The following PTPRD variants were observed in gnomAD, a reference collection of about 807,000 sequenced individuals.
The protein encoded by PTPRD is receptor-type tyrosine-protein phosphatase delta.
Under a neutral mutation model 214.5 loss-of-function variants are expected in PTPRD, and 34 were observed. The observed-to-expected ratio is 0.16, with a 90% confidence interval of 0.12 to 0.21. PTPRD has a LOEUF of 0.21. Ranked by LOEUF, PTPRD falls within the 10% of genes least tolerant of loss-of-function variation. PTPRD has a pLI of 1.00. For missense variants in PTPRD, 2,545 were observed against 2,398.7 expected, an observed-to-expected ratio of 1.06 and a Z score of -1.27; for synonymous variants, 1,128 against 845.7, an observed-to-expected ratio of 1.33 and a Z score of -5.79.
intron 11 of PTPRD, among the ~76,000 whole-genome samples, chr9:8,814,298 C>T (rs1247308543): frequency 6.6e-6 from 1 of 152,112 alleles, no homozygotes; most frequent in Admixed American, 6.5e-5. Flanking sequence ...CTATGAAGTG[C>T]CCTCATTCAC....
intron 8 of PTPRD, among the ~76,000 whole-genome samples, chr9:9,535,125 T>TTG (rs777150172): frequency 1.8e-4 from 28 of 152,256 alleles, no homozygotes; most frequent in Non-Finnish European, 2.9e-4. Context: ...GCCTCTGGAC[T>TTG]GACACACTCT....
chr9:9,487,374 C>T (rs906012689), intron 8 of PTPRD, among the ~76,000 whole-genome samples: 1 of 152,030 alleles, frequency 6.6e-6, no homozygotes, highest in African/African-American at 2.4e-5. Context: ...TCCATGTCCC[C>T]ACAAAGGACA....
At chr9:10,573,739 T>A (rs1206434708) in intron 2 of PTPRD, among the ~76,000 whole-genome samples, 2 of 151,598 alleles carry the variant, frequency 1.3e-5, no homozygotes, top group Admixed American at 6.6e-5. Flanking sequence ...TTTCTGGAAA[T>A]AAGAAAAAAT....
At chr9:10,201,430 T>A (rs1162996390) in intron 3 of PTPRD, among the ~76,000 whole-genome samples, 1 of 152,106 alleles carries the variant, frequency 6.6e-6, no homozygotes, top group Non-Finnish European at 1.5e-5. Flanking sequence ...AGCATAGATC[T>A]TGCTAGATGA....
intron 8 of PTPRD, among the ~76,000 whole-genome samples, chr9:9,536,444 C>T (rs1217332833): frequency 2.0e-5 from 3 of 151,918 alleles, no homozygotes; most frequent in Non-Finnish European, 4.4e-5. Context: ...GCCTAAGAAA[C>T]AGCATTTGGA....
In PTPRD at chr9:10,192,246, C is replaced by T. The variant is rs538036993; in HGVS notation, c.-545+148717G>A. On this transcript the variant is annotated intron_variant, in intron 3 of 45. Coordinates refer to ENST00000381196, the MANE Select transcript of PTPRD (RefSeq NM_002839.4). ...GGAAGTGAAGATTTTTGGAGTGTCA[C>T]TGAATAAACGGAGCTCACTTAATTG... Among the ~76,000 whole-genome samples the T allele has an allele frequency of 3.3e-5, 5 of 152,120 alleles. No individual in the cohort carries two copies. In the South Asian group the frequency reaches 8.3e-4, roughly 25 times the overall value.
At chr9:8,427,973 G>A (rs2094798982) in intron 35 of PTPRD, among the ~76,000 whole-genome samples, 1 of 152,108 alleles carries the variant, frequency 6.6e-6, no homozygotes, top group South Asian at 2.1e-4. Flanking sequence ...CAGGAAACCT[G>A]ATAAGCATGT....
At chr9:9,614,134 C>T (rs571440299) in intron 7 of PTPRD, among the ~76,000 whole-genome samples, 2 of 151,184 alleles carry the variant, frequency 1.3e-5, no homozygotes, top group Non-Finnish European at 2.9e-5. Flanking sequence ...ATATAATATA[C>T]ATATATTTAT....
At chr9:8,733,281 T>G (rs1331021923) in intron 12 of PTPRD, among the ~76,000 whole-genome samples, 1 of 152,086 alleles carries the variant, frequency 6.6e-6, no homozygotes. Flanking sequence ...GTTTCAATAC[T>G]GTACTCGACG....
At chr9:8,725,408 C>G (rs148675693) in intron 12 of PTPRD, among the ~76,000 whole-genome samples, 1,593 of 152,160 alleles carry the variant, frequency 0.01, 11 homozygotes, top group Non-Finnish European at 0.016. Flanking sequence ...GGAAATGTGT[C>G]CAATAAACAT....
rs149852371 is a variant in PTPRD, at chr9:10,214,488, T to C, written c.-545+126475A>G. Among the ~76,000 whole-genome samples, 114 of 150,488 alleles carry C rather than the reference T, an allele frequency of 7.6e-4. 1 individual carries two copies. Among genetic ancestry groups the C allele is most frequent in the South Asian group, 2.7e-3 (13 of 4,754 alleles). On this transcript the variant is annotated intron_variant, in intron 3 of 45. Transcript: ENST00000381196. ...ATGGGGTTTCACCATGTTGGCCAGG[T>C]TGATCTCGAACTTCTGACCTCAGAT...
intron 8 of PTPRD, among the ~76,000 whole-genome samples, chr9:9,445,070 T>C (rs2089904204): frequency 6.6e-6 from 1 of 152,198 alleles, no homozygotes; most frequent in Non-Finnish European, 1.5e-5. Flanking sequence ...TGGCATGTGA[T>C]ATGACAATTT....
chr9:9,826,831 G>T lies in PTPRD; in HGVS notation c.-367-59980C>A, dbSNP rs370351075. Among the ~76,000 whole-genome samples, 4 of 152,082 alleles carry T rather than the reference G, an allele frequency of 2.6e-5. No individual in the cohort carries two copies. In the East Asian group the frequency reaches 7.8e-4, roughly 29 times the overall value. On this transcript the variant is annotated intron_variant, in intron 5 of 45. Transcript: ENST00000381196. ...AAGTCTCAGGATACAAAATCAATGT[G>T]CAAAAATTGCAAGCATTCTTATACA... is the stretch of plus-strand genomic sequence containing the variant.
In PTPRD at chr9:9,496,355, A is replaced by G. The variant is rs933071756; in HGVS notation, c.-237+78377T>C. 1.4e-4 allele frequency among the ~76,000 whole-genome samples: 22 copies of G among 152,150 alleles called. 1 individual carries two copies. Among genetic ancestry groups the G allele is most frequent in the African/African-American group, 5.1e-4 (21 of 41,444 alleles). On this transcript the variant is annotated intron_variant, in intron 8 of 45. Coordinates refer to ENST00000381196, the MANE Select transcript of PTPRD (RefSeq NM_002839.4). ...GATAAGAGAAAATCAGATATCCAGA[A>G]TCTATAGAGAACTCCTAAAACTCAA...
intron 2 of PTPRD, among the ~76,000 whole-genome samples, chr9:10,365,589 T>A (rs1420266297): frequency 1.3e-5 from 2 of 152,192 alleles, no homozygotes; most frequent in Non-Finnish European, 2.9e-5. Context: ...ATGTATTTTC[T>A]GAGACACTCC....
intron 11 of PTPRD, among the ~76,000 whole-genome samples, chr9:8,782,385 A>G (rs1466590510): frequency 6.6e-6 from 1 of 152,114 alleles, no homozygotes; most frequent in Non-Finnish European, 1.5e-5. Context: ...GCAATTTTCA[A>G]GTTTACAATA....
In PTPRD at chr9:9,934,488, A is replaced by C. The variant is rs1419170193; in HGVS notation, c.-368+4019T>G. ...CTAGAAAATCTAGAAGAAATGGATA[A>C]ATTCCTCGACACATACACTCTCCCA... On this transcript the variant is annotated intron_variant, in intron 5 of 45. Coordinates refer to ENST00000381196, the MANE Select transcript of PTPRD (RefSeq NM_002839.4). Among the ~76,000 whole-genome samples the C allele has an allele frequency of 2.7e-5, 4 of 147,710 alleles. 1 individual carries two copies. Among genetic ancestry groups the C allele is most frequent in the Non-Finnish European group, 6.0e-5 (4 of 67,050 alleles).
chr9:8,498,205 G>A (rs942193465), intron 25 of PTPRD, among the ~76,000 whole-genome samples: 2 of 152,174 alleles, frequency 1.3e-5, no homozygotes, highest in Admixed American at 1.3e-4. Context: ...GAGTTGACTT[G>A]TATTAAGACT....
At chr9:8,653,313 G>T (rs2096849031) in intron 12 of PTPRD, among the ~76,000 whole-genome samples, 1 of 152,156 alleles carries the variant, frequency 6.6e-6, no homozygotes, top group African/African-American at 2.4e-5. Flanking sequence ...TACAGGGAAA[G>T]ACAAAAACAG....
Sources: gnomAD v4.1 joint callset for allele counts (sites outside exome capture counted in the v4.1 genomes callset) on GRCh38, gnomAD v4.1.1 for gene constraint, MANE v1.5 for transcripts, NCBI Gene and HGNC (gene_info 2026-07-23, HGNC 2026-07-21) for gene names.